ITGAV: variants seen among roughly 807,000 people sequenced by gnomAD.
ITGAV encodes integrin subunit alpha V, also known as integrin alpha-V.
In ITGAV, 76 loss-of-function variants were observed where a neutral mutation model predicts 143.8. The ratio of observed to expected loss-of-function variants is 0.53; its 90% confidence interval spans 0.44 to 0.64. The LOEUF is 0.64. Among genes scored for constraint, ITGAV ranks in the 30% least tolerant of loss-of-function variants. The pLI, the probability that ITGAV is intolerant of heterozygous loss-of-function variation, is 0.00. For synonymous variants in ITGAV, 453 were observed against 446.7 expected, an observed-to-expected ratio of 1.01 and a Z score of -0.18; for missense variants, 1,193 against 1,274.7, an observed-to-expected ratio of 0.94 and a Z score of 0.98.
At chr2:186,661,793 C>T (rs1688753814) in intron 18 of ITGAV, among the ~76,000 whole-genome samples, 1 of 151,954 alleles carries the variant, frequency 6.6e-6, no homozygotes, top group African/African-American at 2.4e-5. Flanking sequence ...GATGAGATTT[C>T]ACCATGTTGT....
chr2:186,596,614 G>A (rs566627660), intron 1 of ITGAV, among the ~76,000 whole-genome samples: 14 of 152,162 alleles, frequency 9.2e-5, no homozygotes, highest in African/African-American at 3.1e-4. Context: ...GGCCAGGCTG[G>A]TTTTGAACCC....
At chr2:186,626,691 GT>G (rs1220245978) in intron 4 of ITGAV, among the ~76,000 whole-genome samples, 1 of 152,122 alleles carries the variant, frequency 6.6e-6, no homozygotes, top group Non-Finnish European at 1.5e-5. Flanking sequence ...GATCCTACCT[GT>G]TATAAGTGGG....
chr2:186,654,662 G>T lies in ITGAV; in HGVS notation c.1518G>T (p.Arg506Ser), dbSNP rs1688534229. The T allele has an allele frequency of 6.5e-7, 1 of 1,534,050 alleles. No individual in the cohort carries two copies. The highest frequency in any genetic ancestry group is 1.4e-5 in the African/African-American group (1 of 73,018). The change falls in exon 16 of 30, where the codon AGG becomes AGT. Residue 506 changes from arginine (R) to serine (S), a missense_variant. Physicochemically the swap from Arg to Ser is moderately radical, Grantham distance 110. Coordinates refer to ENST00000261023, the MANE Select transcript of ITGAV (RefSeq NM_002210.5). ...TALKVSCFNV[R>S]FCLKADGKGV... Reference sequence around the variant, plus strand: ...TATTTTTCCACAGTTTTAATGTTAGGTTCTGCTTAAAGGCAGATGGCAAAG... The same window carrying T: ...TATTTTTCCACAGTTTTAATGTTAGTTTCTGCTTAAAGGCAGATGGCAAAG...
chr2:186,672,851 T>C (rs1367960497), intron 26 of ITGAV, among the ~76,000 whole-genome samples: 1 of 152,236 alleles, frequency 6.6e-6, no homozygotes, highest in Non-Finnish European at 1.5e-5. Flanking sequence ...ACAGGTTTTG[T>C]CTCATTCTGT....
chr2:186,607,886 A>G (rs1010304780), intron 2 of ITGAV, among the ~76,000 whole-genome samples: 6 of 152,124 alleles, frequency 3.9e-5, no homozygotes, highest in Non-Finnish European at 7.3e-5. Context: ...CTATAAATAG[A>G]CTAAGTACCT....
intron 1 of ITGAV, among the ~76,000 whole-genome samples, chr2:186,596,789 C>G (rs1206391024): frequency 6.6e-6 from 1 of 152,184 alleles, no homozygotes; most frequent in East Asian, 1.9e-4. Flanking sequence ...TTTCACTACA[C>G]AGCTTCCTCG....
intron 18 of ITGAV, 52 bp downstream of exon 18, chr2:186,659,227 A>G (rs763465787): frequency 3.4e-5 from 44 of 1,281,322 alleles, no homozygotes; most frequent in Middle Eastern, 4.0e-4. Context: ...TTTTTTTACA[A>G]TTCATATTTT....
chr2:186,593,737 G>C (rs924125790), intron 1 of ITGAV, among the ~76,000 whole-genome samples: 1 of 152,102 alleles, frequency 6.6e-6, no homozygotes, highest in Non-Finnish European at 1.5e-5. Flanking sequence ...CAGATGAGGA[G>C]GAAATGGAGG....
chr2:186,602,045 T>A lies in ITGAV; in HGVS notation c.210T>A (p.Ala70=). 1 of 1,610,466 alleles carries A rather than the reference T, an allele frequency of 6.2e-7. No homozygotes were observed. ...GCCGGATGTTTCTTCTCGTGGGAGC[T>A]CCCAAAGCAAACACCACCCAGCCTG... The part of the protein sequence containing the change: ...ASSRMFLLVG[A]PKANTTQPGI... Residue 70 remains alanine (A), a synonymous_variant, in exon 2 of 30, where the codon GCT becomes GCA. Coordinates refer to ENST00000261023, the MANE Select transcript of ITGAV (RefSeq NM_002210.5).
intron 26 of ITGAV, among the ~76,000 whole-genome samples, chr2:186,674,659 C>T (rs1689159080): frequency 6.6e-6 from 1 of 151,804 alleles, no homozygotes; most frequent in Non-Finnish European, 1.5e-5. Flanking sequence ...TTACAGGTGC[C>T]CACCATCACG....
At chr2:186,633,508 C>T (rs1231482843) in intron 6 of ITGAV, 134 bp downstream of exon 6, 3 of 337,868 alleles carry the variant, frequency 8.9e-6, no homozygotes, top group South Asian at 1.6e-4. Flanking sequence ...ATAAACACTC[C>T]ATTTTACACA....
intron 11 of ITGAV, 95 bp downstream of exon 11, chr2:186,641,062 C>A: frequency 1.1e-6 from 1 of 938,324 alleles, no homozygotes. Flanking sequence ...TTTTTGTATT[C>A]CTTTTCTGCT....
At position 186,656,417 on chromosome 2, in the gene ITGAV, T is replaced by C. The variant is rs1225890712; in HGVS notation, c.1719+16T>C. 2.7e-6 allele frequency: 4 copies of C among 1,459,724 alleles called. No individual in the cohort carries two copies. The highest frequency in any genetic ancestry group is 3.0e-5 in the African/African-American group (2 of 67,462). The allele number at this position is 1,459,724 out of a possible 1,614,324, so 90.4% of individuals were successfully genotyped here. ...GTATCTGCGGGTAAGAGCTAACTTT[T>C]CTGCTACCTTGTTGTTCCTTTTTAG... On this transcript the variant is annotated intron_variant, in intron 17 of 29. Coordinates refer to ENST00000261023, the MANE Select transcript of ITGAV (RefSeq NM_002210.5).
At position 186,638,258 on chromosome 2, in the gene ITGAV, G is replaced by T. The variant is rs202077086; in HGVS notation, c.803-19G>T. On this transcript the variant is annotated intron_variant, in intron 8 of 29. Transcript: ENST00000261023. ...TGTTGTCCTAAAAAATGAATAATTT[G>T]TTTGTTTGTTTGTTTCAGACTTTGT... 2.5e-6 allele frequency: 4 copies of T among 1,608,538 alleles called. No homozygotes were observed. Among genetic ancestry groups the T allele is most frequent in the Non-Finnish European group, 3.4e-6 (4 of 1,175,490 alleles).
chr2:186,609,705 C>T (rs529859285), intron 2 of ITGAV, among the ~76,000 whole-genome samples: 35 of 151,816 alleles, frequency 2.3e-4, no homozygotes, highest in South Asian at 6.3e-4. Context: ...CCTTAGATGT[C>T]GAAGAGGGTT....
chr2:186,663,080 T>G (rs1475921244), intron 18 of ITGAV, among the ~76,000 whole-genome samples: 1 of 152,204 alleles, frequency 6.6e-6, no homozygotes, highest in African/African-American at 2.4e-5. Flanking sequence ...TTTGGGTGTT[T>G]CCATTTTGCT....
At chr2:186,652,521 G>T (rs1417646947) in intron 15 of ITGAV, among the ~76,000 whole-genome samples, 2 of 152,126 alleles carry the variant, frequency 1.3e-5, no homozygotes, top group African/African-American at 2.4e-5. Context: ...TTATAAATTG[G>T]ATTATAGAAA....
chr2:186,649,690 A>C (rs1464766460), intron 13 of ITGAV, 150 bp from the exon 14 acceptor site: 2 of 482,496 alleles, frequency 4.1e-6, no homozygotes, highest in Non-Finnish European at 7.1e-6. Context: ...GTTTTCATAT[A>C]TTTTAGCCTT....
In ITGAV at chr2:186,590,093, C is replaced by G. The variant is rs967702647; in HGVS notation, c.-246C>G. 7.6e-6 allele frequency: 3 copies of G among 396,568 alleles called. No homozygotes were observed. Among genetic ancestry groups the G allele is most frequent in the Admixed American group, 9.3e-5 (2 of 21,506 alleles). The allele number at this position is 396,568 out of a possible 1,614,324, so 24.6% of individuals were successfully genotyped here. A position where few individuals can be genotyped will look rare whatever the true frequency, so the allele number is the denominator to read the frequency against. ...CAGACGCTGCGTGGAGCGGCGGAGC[C>G]GGAGGGAAGCAAAGGACCGTCTGCG... is the stretch of plus-strand genomic sequence containing the variant. On this transcript the variant is annotated 5_prime_UTR_variant, in exon 1 of 30. Coordinates refer to ENST00000261023, the MANE Select transcript of ITGAV (RefSeq NM_002210.5).
Sources: gnomAD v4.1 joint callset for allele counts (sites outside exome capture counted in the v4.1 genomes callset) on GRCh38, gnomAD v4.1.1 for gene constraint, MANE v1.5 for transcripts, NCBI Gene and HGNC (gene_info 2026-07-23, HGNC 2026-07-21) for gene names.